Variants in DNAH9 observed in about 807,000 individuals in gnomAD.
The protein encoded by DNAH9 is dynein axonemal heavy chain 9.
In DNAH9, 345 loss-of-function variants were observed where a neutral mutation model predicts 471.6. That is an observed-to-expected ratio of 0.73 (90% CI 0.67 to 0.80). The LOEUF is 0.80. DNAH9 is among the 30% of genes least tolerant of loss of function. The pLI is 0.00. For synonymous variants in DNAH9, 2,093 were observed against 2,123.6 expected (o/e 0.99, Z 0.40); for missense variants, 5,407 against 5,609.2 (o/e 0.96, Z 1.15).
At chr17:11,894,295 T>A in intron 58 of DNAH9, 79 bp from the exon 59 acceptor site, 1 of 1,571,254 alleles carries the variant, frequency 6.4e-7, no homozygotes, top group Non-Finnish European at 8.7e-7. Context: ...GTAATAATTA[T>A]ACTGAGTGAC....
At chr17:11,874,606 G>A (rs1214106030) in intron 52 of DNAH9, among the ~76,000 whole-genome samples, 1 of 152,174 alleles carries the variant, frequency 6.6e-6, no homozygotes, top group Non-Finnish European at 1.5e-5. Context: ...ATATAGCAGA[G>A]AAATAACACT....
At chr17:11,716,282 T>A (rs1047829907) in intron 26 of DNAH9, among the ~76,000 whole-genome samples, 1 of 152,060 alleles carries the variant, frequency 6.6e-6, no homozygotes, top group East Asian at 1.9e-4. Context: ...GGTTTCACCA[T>A]GTTGACCAGG....
At chr17:11,628,598 G>A (rs989486368) in intron 6 of DNAH9, among the ~76,000 whole-genome samples, 3 of 152,202 alleles carry the variant, frequency 2.0e-5, no homozygotes, top group Admixed American at 1.3e-4. Flanking sequence ...CAGGAGATGT[G>A]TTTGCTTGGC....
intron 61 of DNAH9, among the ~76,000 whole-genome samples, chr17:11,914,776 C>G (rs964281257): frequency 1.3e-5 from 2 of 152,204 alleles, no homozygotes; most frequent in African/African-American, 4.8e-5. Context: ...AATAATCTCT[C>G]TACCTTGTGT....
At chr17:11,705,983 A>T (rs1168469149) in intron 26 of DNAH9, among the ~76,000 whole-genome samples, 1 of 152,228 alleles carries the variant, frequency 6.6e-6, no homozygotes, top group Non-Finnish European at 1.5e-5. Context: ...CACAAAGATT[A>T]TAATAACTTT....
chr17:11,820,475 G>A (rs1417602173), intron 45 of DNAH9, among the ~76,000 whole-genome samples: 2 of 151,740 alleles, frequency 1.3e-5, no homozygotes, highest in Admixed American at 6.6e-5. Flanking sequence ...GTCCTTGTTC[G>A]TTAACCTCAT....
chr17:11,610,041 T>C (rs1308964944), intron 2 of DNAH9, among the ~76,000 whole-genome samples: 1 of 152,232 alleles, frequency 6.6e-6, no homozygotes, highest in Admixed American at 6.5e-5. Flanking sequence ...CAAGCAAGCA[T>C]TGGGTGGTCA....
intron 61 of DNAH9, among the ~76,000 whole-genome samples, chr17:11,922,721 T>C (rs1203872801): frequency 6.6e-6 from 1 of 152,200 alleles, no homozygotes; most frequent in East Asian, 1.9e-4. Flanking sequence ...ATAACTCTTT[T>C]CTATGTGTTG....
chr17:11,878,239 TCTTA>T (rs1972582611), intron 53 of DNAH9, among the ~76,000 whole-genome samples: 1 of 51,054 alleles, frequency 2.0e-5, no homozygotes, highest in Non-Finnish European at 6.8e-5. Context: ...TTCAATTAAT[TCTTA>T]GTTCATGTCC....
At chr17:11,943,018 C>G (rs1302373805) in intron 67 of DNAH9, among the ~76,000 whole-genome samples, 2 of 151,310 alleles carry the variant, frequency 1.3e-5, no homozygotes, top group Non-Finnish European at 2.9e-5. Context: ...GCCTCAGCCT[C>G]CCGAGTAGCT....
intron 45 of DNAH9, among the ~76,000 whole-genome samples, chr17:11,812,772 T>C (rs1969972331): frequency 6.6e-6 from 1 of 152,160 alleles, no homozygotes; most frequent in African/African-American, 2.4e-5. Flanking sequence ...AATGCCACAA[T>C]TTTTTCCTTT....
intron 20 of DNAH9, among the ~76,000 whole-genome samples, chr17:11,693,069 CT>C (rs35936347): frequency 0.87 from 88,136 of 101,262 alleles, 38,108 homozygotes; most frequent in Middle Eastern, 0.96. Flanking sequence ...CCATGACCGG[CT>C]TTTTTTTTTT....
At chr17:11,726,350 A>G (rs918477029) in intron 27 of DNAH9, among the ~76,000 whole-genome samples, 1 of 152,188 alleles carries the variant, frequency 6.6e-6, no homozygotes, top group Non-Finnish European at 1.5e-5. Context: ...AGTGAAACTA[A>G]TGTTTTTGTT....
In DNAH9 at chr17:11,932,183, A is replaced by G. The variant is rs1381452785; in HGVS notation, c.12275A>G (p.Asn4092Ser). The G allele has an allele frequency of 1.9e-6, 3 of 1,613,996 alleles. No individual in the cohort carries two copies. The highest frequency in any genetic ancestry group is 1.1e-5 in the South Asian group (1 of 91,046). The change falls in exon 64 of 69, where the codon AAC becomes AGC. Residue 4092 changes from asparagine (N) to serine (S), a missense_variant. Around this residue, in one of 3 missense-constraint regions of DNAH9, gnomAD observed 4,636 missense variants for 4,900.3 expected, o/e 0.95. Coordinates refer to ENST00000262442, the MANE Select transcript of DNAH9 (RefSeq NM_001372.4). The surrounding 1 kb of genome is among the most constrained non-coding windows in gnomAD (Gnocchi z 4.3). ...ACTATCTCTGTGAATGTCCTCTACA[A>G]CTTCCTGGAGGCCAACGCAAAGGTA... is the stretch of plus-strand genomic sequence containing the variant. The part of the protein sequence containing the change: ...DLTISVNVLY[N>S]FLEANAKVPY...
intron 52 of DNAH9, among the ~76,000 whole-genome samples, chr17:11,872,476 C>T (rs1972306138): frequency 6.6e-6 from 1 of 151,752 alleles, no homozygotes; most frequent in Admixed American, 6.6e-5. Context: ...ATTTTCTTGG[C>T]ACTTTCGCAT....
intron 49 of DNAH9, among the ~76,000 whole-genome samples, chr17:11,843,943 A>G (rs1228708273): frequency 1.4e-5 from 2 of 145,938 alleles, no homozygotes; most frequent in African/African-American, 5.0e-5. Flanking sequence ...AAGCTACTGA[A>G]TGAATCACAC....
chr17:11,669,234 C>T lies in DNAH9; in HGVS notation c.2902C>T (p.Pro968Ser). The change falls in exon 16 of 69, where the codon CCA (proline) becomes TCA (serine). Residue 968 changes from proline to serine, a missense_variant. By Grantham distance (74) the Pro-to-Ser change is moderately conservative. Transcript: ENST00000262442. ...ACCATCTCTGGTGCCACGGCTTTCCCCACAAAATGGCTCTCCTCACTATCA... is the reference window on the plus strand; with the variant it reads ...ACCATCTCTGGTGCCACGGCTTTCCTCACAAAATGGCTCTCCTCACTATCA... ...RIPSLVPRLSPQNGSPHYQVD... is the reference protein window; with the variant it reads ...RIPSLVPRLSSQNGSPHYQVD... The T allele has an allele frequency of 6.2e-7, 1 of 1,613,846 alleles. No homozygotes were observed. Among genetic ancestry groups the T allele is most frequent in the Non-Finnish European group, 8.5e-7 (1 of 1,179,858 alleles).
chr17:11,754,648 A>G (rs1037573901), intron 33 of DNAH9, among the ~76,000 whole-genome samples: 8 of 152,138 alleles, frequency 5.3e-5, no homozygotes, highest in African/African-American at 1.9e-4. Flanking sequence ...GTGTCTGTTC[A>G]TGTTCTTTGT....
chr17:11,713,666 G>T (rs1435972630), intron 26 of DNAH9, among the ~76,000 whole-genome samples: 1 of 152,120 alleles, frequency 6.6e-6, no homozygotes, highest in Non-Finnish European at 1.5e-5. Flanking sequence ...AGAAATCTTT[G>T]CCTAACTTCA....
Sources: gnomAD v4.1 joint callset for allele counts (sites outside exome capture counted in the v4.1 genomes callset) on GRCh38, gnomAD v4.1.1 for gene constraint, gnomAD v4.1.1 regional missense constraint, Gnocchi (gnomAD v3.1) non-coding constraint, MANE v1.5 for transcripts, NCBI Gene and HGNC (gene_info 2026-07-23, HGNC 2026-07-21) for gene names.